The following CNTN4 variants were observed in gnomAD, a reference collection of about 807,000 sequenced individuals.
CNTN4 encodes the protein contactin-4.
A neutral mutation model predicts 122.5 loss-of-function variants in CNTN4; 77 were observed. The observed-to-expected ratio is 0.63, with a 90% confidence interval of 0.52 to 0.76. The LOEUF is 0.76. Ranked by LOEUF, CNTN4 falls within the 30% of genes least tolerant of loss-of-function variation. CNTN4 has a pLI of 0.00. For missense variants in CNTN4, 1,256 were observed against 1,259.1 expected (o/e 1.00, Z 0.04); for synonymous variants, 512 against 447.0 (o/e 1.15, Z -1.83).
At chr3:2,291,918 T>C (rs1393660459) in intron 2 of CNTN4, among the ~76,000 whole-genome samples, 1 of 152,010 alleles carries the variant, frequency 6.6e-6, no homozygotes, top group Admixed American at 6.6e-5. Context: ...GTGTTATTAG[T>C]GGAGATGGGG....
At chr3:2,196,868 A>G (rs1430179115) in intron 2 of CNTN4, among the ~76,000 whole-genome samples, 1 of 151,956 alleles carries the variant, frequency 6.6e-6, no homozygotes, top group Non-Finnish European at 1.5e-5. Context: ...AACATGGAGA[A>G]ACCTCGTCTC....
chr3:2,232,222 A>G, intron 2 of CNTN4, among the ~76,000 whole-genome samples: 1 of 152,164 alleles, frequency 6.6e-6, no homozygotes, highest in East Asian at 1.9e-4. Context: ...CCTCATTTAA[A>G]TGTCTAAAGC....
intron 6 of CNTN4, among the ~76,000 whole-genome samples, chr3:2,779,667 G>A (rs890669889): frequency 6.6e-6 from 1 of 152,118 alleles, no homozygotes; most frequent in Non-Finnish European, 1.5e-5. Context: ...AAAGCTTAGT[G>A]TTCCCTTCTG....
chr3:2,354,888 A>G (rs1409823455), intron 3 of CNTN4, among the ~76,000 whole-genome samples: 1 of 152,172 alleles, frequency 6.6e-6, no homozygotes, highest in East Asian at 1.9e-4. Context: ...GGAAAATACA[A>G]ATTAAAAGGC....
intron 7 of CNTN4, among the ~76,000 whole-genome samples, chr3:2,864,456 TAGCC>T (rs2093702022): frequency 6.6e-6 from 1 of 151,936 alleles, no homozygotes; most frequent in Non-Finnish European, 1.5e-5. Context: ...AATCATTTCC[TAGCC>T]AGGCGCGGTG....
chr3:2,432,652 A>G (rs542956764), intron 3 of CNTN4, among the ~76,000 whole-genome samples: 1 of 151,236 alleles, frequency 6.6e-6, no homozygotes, highest in East Asian at 1.9e-4. Flanking sequence ...ATGTGTATAT[A>G]TATGTGTGTG....
At chr3:2,865,518 A>C (rs1298908475) in intron 7 of CNTN4, among the ~76,000 whole-genome samples, 1 of 152,224 alleles carries the variant, frequency 6.6e-6, no homozygotes, top group East Asian at 1.9e-4. Flanking sequence ...ATAAGAACTC[A>C]GTCAACTAGT....
intron 12 of CNTN4, among the ~76,000 whole-genome samples, chr3:2,913,850 A>T (rs950983810): frequency 1.3e-5 from 2 of 152,222 alleles, no homozygotes; most frequent in African/African-American, 4.8e-5. Flanking sequence ...CTACAACAGA[A>T]TATGAAATCT....
rs192266400 is a variant in CNTN4 at position 2,930,963 on chromosome 3, C to G, written c.1358+5184C>G. ...AGGACTACTGGAAAATGTAGGGCAG[C>G]GATAGATTGTGGAGGCCTTGTATTT... On this transcript the variant is annotated intron_variant, in intron 13 of 24. Coordinates refer to ENST00000418658, the MANE Select transcript of CNTN4 (RefSeq NM_175607.3). Among the ~76,000 whole-genome samples the G allele has an allele frequency of 2.0e-5, 3 of 152,184 alleles. No individual in the cohort carries two copies. In the East Asian group the frequency reaches 5.8e-4, roughly 29 times the overall value.
At chr3:2,717,671 C>T (rs12491557) in intron 4 of CNTN4, among the ~76,000 whole-genome samples, 47,477 of 151,968 alleles carry the variant, frequency 0.31, 8,183 homozygotes, top group East Asian at 0.57. Flanking sequence ...CAAGTATATA[C>T]CTAGGGATGA....
At chr3:2,684,528 A>T (rs1408188044) in intron 4 of CNTN4, among the ~76,000 whole-genome samples, 1 of 152,174 alleles carries the variant, frequency 6.6e-6, no homozygotes, top group Non-Finnish European at 1.5e-5. Context: ...TGCTGGACCC[A>T]TGCATTTGAA....
intron 4 of CNTN4, among the ~76,000 whole-genome samples, chr3:2,633,410 G>A (rs2082528548): frequency 6.6e-6 from 1 of 152,138 alleles, no homozygotes; most frequent in Admixed American, 6.6e-5. Flanking sequence ...TCCTGTACAT[G>A]TTTAATAAAC....
At chr3:2,125,921 G>GTGTGTA (rs1428723010) in intron 2 of CNTN4, among the ~76,000 whole-genome samples, 4 of 150,492 alleles carry the variant, frequency 2.7e-5, no homozygotes, top group Non-Finnish European at 5.9e-5. Context: ...GTGTGTGTGT[G>GTGTGTA]TGTGTGTATG....
At chr3:2,146,613 T>C (rs2035258234) in intron 2 of CNTN4, among the ~76,000 whole-genome samples, 2 of 152,152 alleles carry the variant, frequency 1.3e-5, no homozygotes, top group South Asian at 4.1e-4. Context: ...ACTCACAGTA[T>C]TGATTTCATA....
At chr3:2,914,426 TACTCAAATA>T (rs1250227807) in intron 12 of CNTN4, among the ~76,000 whole-genome samples, 3 of 152,084 alleles carry the variant, frequency 2.0e-5, no homozygotes, top group Non-Finnish European at 4.4e-5. Flanking sequence ...GAAAAGAGTG[TACTCAAATA>T]AGTAAAATCA....
intron 3 of CNTN4, among the ~76,000 whole-genome samples, chr3:2,563,569 T>G (rs996595354): frequency 6.6e-6 from 1 of 152,198 alleles, no homozygotes; most frequent in Non-Finnish European, 1.5e-5. Context: ...TACCCTTTTA[T>G]GTTGCTGATT....
At position 2,385,871 on chromosome 3, in the gene CNTN4, G is replaced by T. The variant is rs557034302; in HGVS notation, c.-89+46638G>T. 6.6e-6 allele frequency among the ~76,000 whole-genome samples: 1 copy of T among 151,834 alleles called. No homozygotes were observed. The highest frequency in any genetic ancestry group is 1.5e-5 in the Non-Finnish European group (1 of 67,994). ...CAAGACTTCAACACATCTTTTTAGC[G>T]ACACAATTCAACCCATAACAATGTT... On this transcript the variant is annotated intron_variant, in intron 3 of 24. Coordinates refer to ENST00000418658, the MANE Select transcript of CNTN4 (RefSeq NM_175607.3). The surrounding 1 kb of genome is among the most constrained non-coding windows in gnomAD (Gnocchi z 4.0).
At chr3:2,353,786 C>T (rs920040582) in intron 3 of CNTN4, among the ~76,000 whole-genome samples, 3 of 152,150 alleles carry the variant, frequency 2.0e-5, no homozygotes, top group African/African-American at 7.2e-5. Flanking sequence ...GTGGTCCCAG[C>T]TACTCGGGAG....
intron 4 of CNTN4, among the ~76,000 whole-genome samples, chr3:2,710,849 T>G (rs527990929): frequency 6.6e-6 from 1 of 152,314 alleles, no homozygotes; most frequent in Non-Finnish European, 1.5e-5. Flanking sequence ...TTCCATACAC[T>G]CCACAGGAAG....
Sources: allele counts gnomAD v4.1 joint callset (sites outside exome capture counted in the v4.1 genomes callset), GRCh38; gene constraint gnomAD v4.1.1; non-coding constraint Gnocchi (gnomAD v3.1); transcripts MANE v1.5; gene names NCBI Gene and HGNC (gene_info 2026-07-23, HGNC 2026-07-21).